The following RYR2 variants were observed in gnomAD, a reference collection of about 807,000 sequenced individuals.
RYR2 encodes the protein cardiac muscle ryanodine receptor-calcium release channel.
RYR2 carries 227 observed loss-of-function variants against 601.1 expected under a neutral mutation model. The ratio of observed to expected loss-of-function variants is 0.38; its 90% CI spans 0.34 to 0.42. The LOEUF is 0.42. RYR2 is among the 10% of genes least tolerant of loss of function. The pLI is 1.00. For synonymous variants in RYR2, 2,223 were observed against 2,175.1 expected (o/e 1.02, Z -0.61); for missense variants, 4,646 against 6,156.5 (o/e 0.75, Z 8.21).
chr1:237,294,381 T>C (rs373536841), intron 2 of RYR2, among the ~76,000 whole-genome samples: 2 of 152,096 alleles, frequency 1.3e-5, no homozygotes, highest in African/African-American at 4.8e-5. Flanking sequence ...CAGTAGTACC[T>C]GAAATAAAAT....
At chr1:237,755,470 G>A (rs1211363304) in intron 80 of RYR2, among the ~76,000 whole-genome samples, 2 of 152,114 alleles carry the variant, frequency 1.3e-5, no homozygotes, top group East Asian at 3.9e-4. Flanking sequence ...CACTGTCATA[G>A]GGCTCTATGC....
rs138770249 is a variant in RYR2, at chr1:237,610,095, C to T, written c.4684-667C>T. On this transcript the variant is annotated intron_variant, in intron 35 of 104. Transcript: ENST00000366574. This position sits in a 1 kb window ranked among gnomAD's most constrained non-coding sequence, Gnocchi z 4.9. The stretch of plus-strand genomic sequence containing the variant: ...TTATGGTCCCATAAGAGGCAGGCAT[C>T]GGTGTTGTCAAGATCATAGATAAAT... Among the ~76,000 whole-genome samples the T allele has an allele frequency of 3.0e-4, 45 of 152,154 alleles. No individual in the cohort carries two copies. The highest frequency in any genetic ancestry group is 8.3e-4 in the South Asian group (4 of 4,822).
intron 35 of RYR2, among the ~76,000 whole-genome samples, chr1:237,609,040 C>T (rs1380970088): frequency 1.3e-5 from 2 of 149,950 alleles, no homozygotes; most frequent in African/African-American, 2.4e-5. Flanking sequence ...CCCTCCCTTC[C>T]TTCCTTCCTT....
At chr1:237,350,955 T>A (rs568913712) in intron 3 of RYR2, among the ~76,000 whole-genome samples, 133 of 152,030 alleles carry the variant, frequency 8.7e-4, no homozygotes, top group African/African-American at 3.0e-3. Flanking sequence ...CACCATATGC[T>A]GAGAAAGTAC....
intron 29 of RYR2, among the ~76,000 whole-genome samples, chr1:237,569,554 G>T (rs1672448648): frequency 6.6e-6 from 1 of 152,136 alleles, no homozygotes; most frequent in Admixed American, 6.5e-5. Context: ...GCTTTTATGA[G>T]TATGAATAAG....
intron 17 of RYR2, among the ~76,000 whole-genome samples, chr1:237,470,858 G>A (rs1329912548): frequency 6.6e-6 from 1 of 151,876 alleles, no homozygotes; most frequent in African/African-American, 2.4e-5. Flanking sequence ...GGGAGAGATA[G>A]GGAAAGAGAG....
rs794728729 is a variant in RYR2, at chr1:237,500,857, A to G, written c.2350A>G (p.Ile784Val). ...PVQGMFENFNIDGLFFPVVSF... is the reference protein window; with the variant it reads ...PVQGMFENFNVDGLFFPVVSF... ...TCAAGGAATGTTTGAGAATTTCAAC[A>G]TCGATGGCCTCTTCTTTCCAGTCGT... Residue 784 changes from isoleucine (I) to valine (V), a missense_variant, in exon 21 of 105, where the codon ATC (isoleucine) becomes GTC (valine). Coordinates refer to ENST00000366574, the MANE Select transcript of RYR2 (RefSeq NM_001035.3). 2 of 1,614,042 alleles carry G rather than the reference A, an allele frequency of 1.2e-6. No individual in the cohort carries two copies. Among genetic ancestry groups the G allele is most frequent in the Admixed American group, 1.7e-5 (1 of 60,030 alleles).
intron 1 of RYR2, among the ~76,000 whole-genome samples, chr1:237,244,727 CT>C (rs1408235709): frequency 1.3e-5 from 2 of 152,148 alleles, no homozygotes; most frequent in African/African-American, 4.8e-5. Flanking sequence ...CCTATTAAAC[CT>C]CCTCTCCTAA....
intron 27 of RYR2, 30 bp downstream of exon 27, chr1:237,550,721 G>C (rs1430330928): frequency 6.5e-7 from 1 of 1,533,260 alleles, no homozygotes; most frequent in East Asian, 2.5e-5. Flanking sequence ...CTCTTCTTCG[G>C]TTGCAAGATG....
rs76214638 is a variant in RYR2 at position 237,789,133 on chromosome 1, A to G, written c.13476+998A>G. Among the ~76,000 whole-genome samples the G allele has an allele frequency of 5.5e-3, 842 of 152,174 alleles. 2 individuals are homozygous for G. Among genetic ancestry groups the G allele is most frequent in the African/African-American group, 0.017 (689 of 41,550 alleles). ...TAGAATCCACCTACAAGAGGTACTG[A>G]CCAGTGATGTTAGACCTAGAATTTA... On this transcript the variant is annotated intron_variant, in intron 92 of 104. Coordinates refer to ENST00000366574, the MANE Select transcript of RYR2 (RefSeq NM_001035.3).
At position 237,388,193 on chromosome 1, in the gene RYR2, T is replaced by C. The variant is rs1160102088; in HGVS notation, c.773+10T>C. On this transcript the variant is annotated intron_variant, in intron 10 of 104. Coordinates refer to ENST00000366574, the MANE Select transcript of RYR2 (RefSeq NM_001035.3). ...GTGAAGAGCAGCGGAGGTTAGTACCTGAGCTCATTGCATTGAGACTTGCAC... is the reference window on the plus strand; with the variant it reads ...GTGAAGAGCAGCGGAGGTTAGTACCCGAGCTCATTGCATTGAGACTTGCAC... The C allele has an allele frequency of 1.2e-6, 2 of 1,608,968 alleles. No homozygotes were observed. The highest frequency in any genetic ancestry group is 2.7e-5 in the African/African-American group (2 of 74,992).
At chr1:237,182,207 C>T (rs772106955) in intron 1 of RYR2, among the ~76,000 whole-genome samples, 11 of 152,044 alleles carry the variant, frequency 7.2e-5, no homozygotes, top group Admixed American at 1.3e-4. Context: ...CTGCAGACTC[C>T]GCCTCCCGGG....
At chr1:237,326,029 A>G (rs1335147175) in intron 2 of RYR2, among the ~76,000 whole-genome samples, 2 of 152,124 alleles carry the variant, frequency 1.3e-5, no homozygotes, top group Non-Finnish European at 2.9e-5. Flanking sequence ...GTCCTAAATT[A>G]TTGGTTGTTA....
intron 29 of RYR2, among the ~76,000 whole-genome samples, chr1:237,584,362 A>G (rs1299808793): frequency 6.6e-6 from 1 of 152,206 alleles, no homozygotes; most frequent in East Asian, 1.9e-4. Flanking sequence ...AATATCATTT[A>G]TCATTTTCTG....
At chr1:237,468,168 T>C (rs1175492382) in intron 16 of RYR2, among the ~76,000 whole-genome samples, 1 of 152,174 alleles carries the variant, frequency 6.6e-6, no homozygotes, top group Non-Finnish European at 1.5e-5. Flanking sequence ...TACCAGATTT[T>C]CAATAGTGAT....
chr1:237,252,765 G>T (rs1292449374), intron 1 of RYR2, among the ~76,000 whole-genome samples: 1 of 152,174 alleles, frequency 6.6e-6, no homozygotes, highest in Non-Finnish European at 1.5e-5. Context: ...TGCAATCCCA[G>T]TGACTAGTAA....
chr1:237,269,855 G>C (rs139474596), intron 1 of RYR2, among the ~76,000 whole-genome samples: 1 of 152,298 alleles, frequency 6.6e-6, no homozygotes, highest in Non-Finnish European at 1.5e-5. Flanking sequence ...CCCATGTACA[G>C]TTTCTTCAGT....
At chr1:237,772,218 C>G (rs1409212856) in intron 86 of RYR2, 118 bp downstream of exon 86, 1 of 554,028 alleles carries the variant, frequency 1.8e-6, no homozygotes. Context: ...TAGTTTATCT[C>G]TGATCACAAT....
At chr1:237,182,901 G>A (rs1323157004) in intron 1 of RYR2, among the ~76,000 whole-genome samples, 3 of 152,158 alleles carry the variant, frequency 2.0e-5, no homozygotes, top group East Asian at 1.9e-4. Context: ...CTATCAAGGG[G>A]TTCTAAATAG....
Sources: gnomAD v4.1 joint callset for allele counts (sites outside exome capture counted in the v4.1 genomes callset) on GRCh38, gnomAD v4.1.1 for gene constraint, Gnocchi (gnomAD v3.1) non-coding constraint, MANE v1.5 for transcripts, NCBI Gene and HGNC (gene_info 2026-07-23, HGNC 2026-07-21) for gene names.